PCCA: variants seen among roughly 807,000 people sequenced by gnomAD.
PCCA encodes propionyl-CoA carboxylase subunit alpha.
Under a neutral mutation model 101.3 loss-of-function variants are expected in PCCA, and 74 were observed. The ratio of observed to expected loss-of-function variants is 0.73; its 90% CI spans 0.61 to 0.89. PCCA has a LOEUF of 0.89. Ranked by LOEUF, PCCA falls within the 40% of genes least tolerant of loss-of-function variation. PCCA has a pLI of 0.00. For missense variants in PCCA, 891 were observed against 907.0 expected (o/e 0.98, Z 0.23); for synonymous variants, 294 against 313.6 (o/e 0.94, Z 0.66).
At chr13:100,524,455 T>A (rs2087575264) in intron 22 of PCCA, among the ~76,000 whole-genome samples, 1 of 151,852 alleles carries the variant, frequency 6.6e-6, no homozygotes, top group African/African-American at 2.4e-5. Flanking sequence ...TATCTCACTA[T>A]TTTGTAAGGC....
At chr13:100,231,012 A>G (rs2060438102) in intron 7 of PCCA, among the ~76,000 whole-genome samples, 1 of 152,134 alleles carries the variant, frequency 6.6e-6, no homozygotes. Context: ...GGTCCCAGAC[A>G]CTGTTTTTCA....
At position 100,209,422 on chromosome 13, in the gene PCCA, G is replaced by GC; in HGVS notation, c.560dup (p.Glu188ArgfsTer3). On this transcript the variant is annotated frameshift_variant, in exon 7 of 24. Transcript: ENST00000376285. LOFTEE classifies it high-confidence loss of function. ...TGAAAGCAAATTATTAGCTAAGAAA[G>GC]CAGAGGTTAATACAATCCCTGGCTT... 2 of 1,613,558 alleles carry GC rather than the reference G, an allele frequency of 1.2e-6. No homozygotes were observed. Among genetic ancestry groups the GC allele is most frequent in the Non-Finnish European group, 1.7e-6 (2 of 1,179,526 alleles).
intron 1 of PCCA, among the ~76,000 whole-genome samples, chr13:100,092,989 A>G (rs2152210052): frequency 6.6e-6 from 1 of 152,356 alleles, no homozygotes; most frequent in Non-Finnish European, 1.5e-5. Context: ...GGTTCAGAAC[A>G]GAGGTAAAAA....
chr13:100,327,119 A>G (rs1003397065), intron 16 of PCCA, among the ~76,000 whole-genome samples: 3 of 152,144 alleles, frequency 2.0e-5, no homozygotes, highest in African/African-American at 2.4e-5. Flanking sequence ...ATTCAATTTC[A>G]TGAGTTTTGA....
At chr13:100,155,132 T>A (rs757148763) in intron 5 of PCCA, 40 bp downstream of exon 5, 1 of 1,256,780 alleles carries the variant, frequency 8.0e-7, no homozygotes, top group South Asian at 1.2e-5. Flanking sequence ...CTGTTTCATA[T>A]GTAGTGAGCA....
chr13:100,113,881 C>G (rs570913508), intron 4 of PCCA, among the ~76,000 whole-genome samples: 1 of 152,294 alleles, frequency 6.6e-6, no homozygotes, highest in Admixed American at 6.5e-5. Context: ...GCCCGGTTTA[C>G]TCTTTGACTC....
At chr13:100,278,036 A>G (rs1222000236) in intron 12 of PCCA, among the ~76,000 whole-genome samples, 1 of 152,176 alleles carries the variant, frequency 6.6e-6, no homozygotes, top group Non-Finnish European at 1.5e-5. Context: ...CTTAAAACTC[A>G]TACTTCCTTT....
chr13:100,446,533 C>G (rs1035322247), intron 20 of PCCA, among the ~76,000 whole-genome samples: 3 of 152,088 alleles, frequency 2.0e-5, no homozygotes, highest in African/African-American at 7.2e-5. Flanking sequence ...GAAGGTGGGT[C>G]TTAATTCAGC....
intron 5 of PCCA, among the ~76,000 whole-genome samples, chr13:100,156,587 G>T (rs2053914776): frequency 6.6e-6 from 1 of 152,194 alleles, no homozygotes; most frequent in Admixed American, 6.5e-5. Context: ...TGGCTTGTGG[G>T]TGAGGATAGT....
At chr13:100,112,703 A>C (rs903188538) in intron 4 of PCCA, among the ~76,000 whole-genome samples, 1 of 150,346 alleles carries the variant, frequency 6.7e-6, no homozygotes, top group Non-Finnish European at 1.5e-5. Flanking sequence ...CAGCCTCCGG[A>C]GTAGCTGGGA....
chr13:100,453,398 A>G (rs745428140), intron 21 of PCCA, among the ~76,000 whole-genome samples: 1 of 151,908 alleles, frequency 6.6e-6, no homozygotes, highest in Admixed American at 6.6e-5. Flanking sequence ...CTACTACAGG[A>G]GGCTGAGGCA....
At chr13:100,130,592 A>T (rs2050406700) in intron 4 of PCCA, among the ~76,000 whole-genome samples, 1 of 152,238 alleles carries the variant, frequency 6.6e-6, no homozygotes, top group Non-Finnish European at 1.5e-5. Context: ...CTGCTTATAA[A>T]TAGTATTTGA....
chr13:100,463,341 T>G (rs2082296329), intron 21 of PCCA, among the ~76,000 whole-genome samples: 1 of 87,902 alleles, frequency 1.1e-5, no homozygotes, highest in East Asian at 8.6e-4. Flanking sequence ...GTGTGGTTTT[T>G]TTTTTTTTTT....
intron 21 of PCCA, among the ~76,000 whole-genome samples, chr13:100,454,407 G>A (rs1452349128): frequency 6.6e-6 from 1 of 152,190 alleles, no homozygotes; most frequent in Non-Finnish European, 1.5e-5. Context: ...ATTTTTCTGT[G>A]TGTGTTATTA....
intron 12 of PCCA, among the ~76,000 whole-genome samples, chr13:100,297,756 G>A (rs934798628): frequency 1.3e-5 from 2 of 152,178 alleles, no homozygotes; most frequent in African/African-American, 2.4e-5. Context: ...TATGGCATGA[G>A]ATGTTATAAG....
chr13:100,357,654 C>A (rs1488212853), intron 18 of PCCA, among the ~76,000 whole-genome samples: 6 of 152,200 alleles, frequency 3.9e-5, no homozygotes, highest in Non-Finnish European at 8.8e-5. Context: ...TATTTGAAGG[C>A]TGTCGATGTA....
At chr13:100,485,237 A>G (rs573896221) in intron 21 of PCCA, among the ~76,000 whole-genome samples, 2 of 152,292 alleles carry the variant, frequency 1.3e-5, no homozygotes, top group East Asian at 3.9e-4. Flanking sequence ...GTGTTTCTCT[A>G]TCAGCTACTT....
intron 19 of PCCA, among the ~76,000 whole-genome samples, chr13:100,398,547 AT>A (rs2152850600): frequency 6.6e-6 from 1 of 152,284 alleles, no homozygotes; most frequent in South Asian, 2.1e-4. Flanking sequence ...TTGTTCCGCT[AT>A]TTGGCACTGG....
At chr13:100,330,317 T>A (rs538660118) in intron 16 of PCCA, among the ~76,000 whole-genome samples, 17 of 152,352 alleles carry the variant, frequency 1.1e-4, no homozygotes, top group African/African-American at 3.8e-4. Flanking sequence ...CAATTACTTT[T>A]GCACCACCCT....
Sources: allele counts gnomAD v4.1 joint callset (sites outside exome capture counted in the v4.1 genomes callset), GRCh38; gene constraint gnomAD v4.1.1; transcripts MANE v1.5; gene names NCBI Gene and HGNC (gene_info 2026-07-23, HGNC 2026-07-21).